ADAMTS20: variants seen among roughly 807,000 people sequenced by gnomAD.
ADAMTS20 encodes the protein A disintegrin and metalloproteinase with thrombospondin motifs 20.
ADAMTS20 carries 225 observed loss-of-function variants against 260.1 expected under a neutral mutation model. That is an observed-to-expected ratio of 0.87 (90% confidence interval 0.78 to 0.97). The LOEUF is 0.97. Ranked by LOEUF, ADAMTS20 falls within the 50% of genes least tolerant of loss-of-function variation. The probability of loss-of-function intolerance (pLI) is 0.00; values close to 1 mark genes in which losing one functional copy is unlikely to be tolerated. For synonymous variants in ADAMTS20, 802 were observed against 769.5 expected (o/e 1.04, Z -0.70); for missense variants, 2,400 against 2,337.7 (o/e 1.03, Z -0.55).
In ADAMTS20 at chr12:43,403,387, G is replaced by GT. The variant is rs1055624421; in HGVS notation, c.4285-4155dup. On this transcript the variant is annotated intron_variant, in intron 28 of 38. Transcript: ENST00000389420. ...TTCAGTTGTAGGAAATGGAAGCCTT[G>GT]TTTTTTTTTAGGCTTCCCTAAACTA... is the stretch of plus-strand genomic sequence containing the variant. Among the ~76,000 whole-genome samples, 15 of 150,814 alleles carry GT rather than the reference G, an allele frequency of 9.9e-5. No homozygotes were observed. The East Asian group carries it at 1.6e-3, about 16-fold the overall frequency.
chr12:43,459,017 C>G (rs1248985093), intron 11 of ADAMTS20, among the ~76,000 whole-genome samples: 1 of 152,132 alleles, frequency 6.6e-6, no homozygotes, highest in Non-Finnish European at 1.5e-5. Context: ...GACAATGATC[C>G]GGATATAAAC....
chr12:43,437,154 C>T (rs1473092728), intron 18 of ADAMTS20, among the ~76,000 whole-genome samples: 2 of 152,004 alleles, frequency 1.3e-5, no homozygotes, highest in African/African-American at 4.8e-5. Flanking sequence ...CAGAAGAAAA[C>T]TTAAAGACTA....
intron 7 of ADAMTS20, among the ~76,000 whole-genome samples, chr12:43,471,820 C>A (rs2137395037): frequency 7.3e-6 from 1 of 137,820 alleles, no homozygotes; most frequent in African/African-American, 2.7e-5. Flanking sequence ...GACATCCACA[C>A]CGAAAACCCA....
rs746899207 is a variant in ADAMTS20, at chr12:43,453,914, G to A, written c.1753C>T (p.Arg585Cys). ...GIESATRRCN[R>C]PEPRNGGNYC... ...GACATAAAAAAGACATACTCAGGAC[G>A]ATTACAGCGCCTGGTTGCACTTTCG... is the stretch of plus-strand genomic sequence containing the variant. Residue 585 changes from arginine to cysteine, a missense_variant, in exon 12 of 39, where the codon CGT (arginine) becomes TGT (cysteine). Arg to Cys is a radical substitution (Grantham distance 180). Coordinates refer to ENST00000389420, the MANE Select transcript of ADAMTS20 (RefSeq NM_025003.5). 2.5e-6 allele frequency: 4 copies of A among 1,601,828 alleles called. No individual in the cohort carries two copies. Among genetic ancestry groups the A allele is most frequent in the East Asian group, 2.2e-5 (1 of 44,666 alleles).
intron 3 of ADAMTS20, among the ~76,000 whole-genome samples, chr12:43,524,047 C>T (rs61925174): frequency 0.09 from 13,585 of 150,842 alleles, 748 homozygotes; most frequent in Admixed American, 0.19. Flanking sequence ...GGCTAGAGGC[C>T]AATTGACACA....
Position 43,428,402 on chromosome 12 carries a change from C to G in ADAMTS20, c.3784G>C (p.Ala1262Pro). 1 of 1,613,882 alleles carries G rather than the reference C, an allele frequency of 6.2e-7. No individual in the cohort carries two copies. The highest frequency in any genetic ancestry group is 8.5e-7 in the Non-Finnish European group (1 of 1,179,874). The change falls in exon 26 of 39, where the codon GCC becomes CCC. Residue 1262 changes from alanine (A) to proline (P), a missense_variant. Ala to Pro is a conservative substitution (Grantham distance 27). Transcript: ENST00000389420. ...PLMEQECSLA[A>P]CPPAHSHFPS... Reference sequence around the variant, plus strand: ...AAGTGGCTGTGTGCAGGAGGGCAGGCTGCCAGGCTACATTCCTGTTCCATC... The same window carrying G: ...AAGTGGCTGTGTGCAGGAGGGCAGGGTGCCAGGCTACATTCCTGTTCCATC...
Position 43,421,450 on chromosome 12 carries a change from A to G in ADAMTS20, c.4284+4064T>C, listed in dbSNP as rs369822785. On this transcript the variant is annotated intron_variant, in intron 28 of 38. Coordinates refer to ENST00000389420, the MANE Select transcript of ADAMTS20 (RefSeq NM_025003.5). ...AAATATGATTTCATTCTATGTGAGG[A>G]ATAAAAACATTCCAAGAAAATAAAT... Among the ~76,000 whole-genome samples the G allele has an allele frequency of 2.3e-4, 35 of 152,210 alleles. 1 individual carries two copies. The East Asian group carries it at 5.2e-3, about 23-fold the overall frequency.
At chr12:43,390,933 G>C (rs1425858375) in intron 29 of ADAMTS20, among the ~76,000 whole-genome samples, 1 of 152,092 alleles carries the variant, frequency 6.6e-6, no homozygotes, top group Non-Finnish European at 1.5e-5. Flanking sequence ...CTGTATTTTA[G>C]ATATTTGTTA....
intron 7 of ADAMTS20, among the ~76,000 whole-genome samples, chr12:43,471,734 C>T (rs1323280512): frequency 1.2e-4 from 17 of 143,650 alleles, no homozygotes; most frequent in South Asian, 2.4e-4. Flanking sequence ...ACACTGACAC[C>T]TCACATGGCA....
intron 22 of ADAMTS20, among the ~76,000 whole-genome samples, chr12:43,431,081 A>G (rs2137306654): frequency 6.6e-6 from 1 of 152,354 alleles, no homozygotes; most frequent in East Asian, 1.9e-4. Flanking sequence ...AAGCTGATAA[A>G]AGCATAAAGT....
chr12:43,367,574 C>T lies in ADAMTS20; in HGVS notation c.5538+1716G>A, dbSNP rs892915779. On this transcript the variant is annotated intron_variant, in intron 37 of 38. Transcript: ENST00000389420. ...TCCTAGCTGACATACTTAACATACA[C>T]ATGAAACTAACATACTTACTGCTGA... 2.0e-5 allele frequency among the ~76,000 whole-genome samples: 3 copies of T among 152,170 alleles called. No individual in the cohort carries two copies. In the East Asian group the frequency reaches 5.8e-4, roughly 29 times the overall value.
At chr12:43,402,155 C>T (rs1364962130) in intron 28 of ADAMTS20, among the ~76,000 whole-genome samples, 1 of 151,962 alleles carries the variant, frequency 6.6e-6, no homozygotes, top group Non-Finnish European at 1.5e-5. Context: ...TCCTGAAGGT[C>T]AAGTCCTTTT....
chr12:43,510,250 G>T (rs889430637), intron 3 of ADAMTS20, among the ~76,000 whole-genome samples: 1 of 150,776 alleles, frequency 6.6e-6, no homozygotes, highest in African/African-American at 2.4e-5. Context: ...GAGCCTAAAA[G>T]GTATACACCC....
At chr12:43,358,582 T>C (rs1364211212) in intron 37 of ADAMTS20, among the ~76,000 whole-genome samples, 1 of 151,976 alleles carries the variant, frequency 6.6e-6, no homozygotes, top group Non-Finnish European at 1.5e-5. Context: ...CTCACGCCTG[T>C]AATCCCAGCA....
intron 36 of ADAMTS20, among the ~76,000 whole-genome samples, chr12:43,374,719 G>T (rs891349630): frequency 6.6e-5 from 10 of 150,944 alleles, no homozygotes; most frequent in Admixed American, 6.6e-4. Context: ...ATTATCATTA[G>T]AAACTAATGT....
chr12:43,437,271 T>C (rs555493257), intron 18 of ADAMTS20, among the ~76,000 whole-genome samples: 3 of 152,116 alleles, frequency 2.0e-5, no homozygotes, highest in African/African-American at 7.2e-5. Context: ...GAGAATAAAT[T>C]AGAAAAGAAA....
rs138941530 is a variant in ADAMTS20 at position 43,362,887 on chromosome 12, A to G, written c.5539-6299T>C. 2.9e-3 allele frequency among the ~76,000 whole-genome samples: 437 copies of G among 151,664 alleles called. 1 individual carries two copies. The highest frequency in any genetic ancestry group is 4.4e-3 in the Non-Finnish European group (298 of 67,946). ...GAGCCAGGGAATGCAGGCAACTTCTAGAAGCTGGAAAAGGCAAGAAAACAG... is the reference window on the plus strand; with the variant it reads ...GAGCCAGGGAATGCAGGCAACTTCTGGAAGCTGGAAAAGGCAAGAAAACAG... On this transcript the variant is annotated intron_variant, in intron 37 of 38. Coordinates refer to ENST00000389420, the MANE Select transcript of ADAMTS20 (RefSeq NM_025003.5).
At chr12:43,435,577 C>T (rs1941535649) in intron 18 of ADAMTS20, among the ~76,000 whole-genome samples, 1 of 145,356 alleles carries the variant, frequency 6.9e-6, no homozygotes, top group Non-Finnish European at 1.5e-5. Flanking sequence ...GGAGGCAGAG[C>T]TTGCAGTGAG....
downstream of ADAMTS20, among the ~76,000 whole-genome samples, chr12:43,353,387 G>T (rs922861412): frequency 1.3e-5 from 2 of 151,728 alleles, no homozygotes; most frequent in Non-Finnish European, 2.9e-5. Flanking sequence ...ATAACTTTGA[G>T]AAAATAGATT....
Sources: gnomAD v4.1 joint callset for allele counts (sites outside exome capture counted in the v4.1 genomes callset) on GRCh38, gnomAD v4.1.1 for gene constraint, MANE v1.5 for transcripts, NCBI Gene and HGNC (gene_info 2026-07-23, HGNC 2026-07-21) for gene names.